CACNA1A: variants seen among roughly 807,000 people sequenced by gnomAD.
CACNA1A encodes calcium voltage-gated channel subunit alpha1 A.
A neutral mutation model predicts 262.4 loss-of-function variants in CACNA1A; 57 were observed. That is an observed-to-expected ratio of 0.22 (90% CI 0.18 to 0.27). CACNA1A has a LOEUF of 0.27. CACNA1A is among the 10% of genes least tolerant of loss of function. The pLI, the probability that CACNA1A is intolerant of heterozygous loss-of-function variation, is 1.00. For synonymous variants in CACNA1A, 1,431 were observed against 1,419.3 expected (o/e 1.01, Z -0.18); for missense variants, 2,526 against 3,562.8 (o/e 0.71, Z 7.41).
intron 24 of CACNA1A, among the ~76,000 whole-genome samples, chr19:13,269,935 C>T (rs753051691): frequency 1.1e-4 from 16 of 152,160 alleles, no homozygotes; most frequent in Non-Finnish European, 1.8e-4. Flanking sequence ...TTGCTTTGAC[C>T]CCAACAGGCC....
chr19:13,433,584 G>A (rs557205748), intron 3 of CACNA1A, among the ~76,000 whole-genome samples: 1 of 151,998 alleles, frequency 6.6e-6, no homozygotes, highest in South Asian at 2.1e-4. Context: ...TGGTCTGGCT[G>A]GTAGGCGGGG....
At chr19:13,260,916 G>A (rs901120304) in intron 26 of CACNA1A, 1 of 152,450 alleles carries the variant, frequency 6.6e-6, no homozygotes, top group Admixed American at 6.5e-5. Flanking sequence ...CTCCCAAAGT[G>A]TTGGAATTAC....
intron 3 of CACNA1A, among the ~76,000 whole-genome samples, chr19:13,394,148 C>G (rs569979161): frequency 6.6e-6 from 1 of 152,240 alleles, no homozygotes; most frequent in East Asian, 1.9e-4. Context: ...TATTCAATCC[C>G]CATGATGACC....
At chr19:13,247,234 C>T (rs1212815747) in intron 30 of CACNA1A, among the ~76,000 whole-genome samples, 3 of 152,196 alleles carry the variant, frequency 2.0e-5, no homozygotes, top group Non-Finnish European at 4.4e-5. Context: ...GGAGCCTGAC[C>T]TTAGAGCTGT....
At chr19:13,433,127 A>T (rs980290837) in intron 3 of CACNA1A, among the ~76,000 whole-genome samples, 2 of 151,930 alleles carry the variant, frequency 1.3e-5, no homozygotes, top group Non-Finnish European at 2.9e-5. Context: ...CCCCGTCTCT[A>T]CTAAAAATAC....
At chr19:13,455,812 G>T (rs1315533870) in intron 1 of CACNA1A, among the ~76,000 whole-genome samples, 1 of 149,150 alleles carries the variant, frequency 6.7e-6, no homozygotes, top group Non-Finnish European at 1.5e-5. Flanking sequence ...AGAGGCTGCA[G>T]TGTACAATGA....
intron 30 of CACNA1A, among the ~76,000 whole-genome samples, chr19:13,249,946 G>A (rs969248045): frequency 1.3e-5 from 2 of 152,166 alleles, no homozygotes; most frequent in African/African-American, 4.8e-5. Context: ...GACTAAGCTG[G>A]TGGTCAAGAG....
chr19:13,283,485 ACTGAGATCTC>A (rs1363408134), intron 21 of CACNA1A, 89 bp from the exon 22 acceptor site: 24 of 1,519,522 alleles, frequency 1.6e-5, no homozygotes, highest in Non-Finnish European at 2.1e-5. Flanking sequence ...ACCTACCACT[ACTGAGATCTC>A]CAACCCCCAA....
In CACNA1A at chr19:13,210,368, G is replaced by A. The variant is rs200369506; in HGVS notation, c.6339+249C>T. On this transcript the variant is annotated intron_variant, in intron 44 of 46. Transcript: ENST00000360228. The stretch of plus-strand genomic sequence containing the variant: ...TCTTGGAGAGCCAGTGTCCTCCGGC[G>A]TGGGGGGCCCTGAAGAAAAGGGGGT... Among the ~76,000 whole-genome samples the A allele has an allele frequency of 7.8e-4, 118 of 152,242 alleles. No individual in the cohort carries two copies. In the East Asian group the frequency reaches 0.016, roughly 21 times the overall value.
At chr19:13,423,435 G>T (rs571411190) in intron 3 of CACNA1A, among the ~76,000 whole-genome samples, 1 of 152,320 alleles carries the variant, frequency 6.6e-6, no homozygotes, top group South Asian at 2.1e-4. Flanking sequence ...GTGTATCTCA[G>T]GGGAGAAGGA....
rs532822040 is a variant in CACNA1A at position 13,376,843 on chromosome 19, A to C, written c.540-5064T>G. Among the ~76,000 whole-genome samples, 29 of 143,408 alleles carry C rather than the reference A, an allele frequency of 2.0e-4. No homozygotes were observed. In the South Asian group the frequency reaches 3.4e-3, roughly 17 times the overall value. The allele number at this position is 143,408 out of a possible 152,430, so 94.1% of individuals were successfully genotyped here. A position where few individuals can be genotyped will look rare whatever the true frequency, so the allele number is the denominator to read the frequency against. On this transcript the variant is annotated intron_variant, in intron 3 of 46. Transcript: ENST00000360228. ...TGATATATAACACATGTTATATGTG[A>C]TATATAACACATATGTTATATGTGA...
intron 1 of CACNA1A, among the ~76,000 whole-genome samples, chr19:13,491,692 C>CATTTTAA (rs1980903400): frequency 6.6e-6 from 1 of 152,130 alleles, no homozygotes; most frequent in African/African-American, 2.4e-5. Context: ...GTCTAAGGGC[C>CATTTTAA]AGGTGTGGTG....
At chr19:13,227,171 C>CG (rs2055484472) in intron 37 of CACNA1A, 1 of 248,882 alleles carries the variant, frequency 4.0e-6, no homozygotes, top group Admixed American at 5.6e-5. Context: ...CCCCTCCCCC[C>CG]GGCATGTCGG....
At chr19:13,396,596 G>C (rs534575614) in intron 3 of CACNA1A, among the ~76,000 whole-genome samples, 1 of 152,232 alleles carries the variant, frequency 6.6e-6, no homozygotes, top group African/African-American at 2.4e-5. Flanking sequence ...AAATTTTAAT[G>C]AATGTACATT....
chr19:13,364,730 C>G (rs2059176751), intron 5 of CACNA1A: 1 of 152,276 alleles, frequency 6.6e-6, no homozygotes, highest in Non-Finnish European at 1.5e-5. Context: ...ACTTCTGCCT[C>G]CCGGGTTCAA....
intron 4 of CACNA1A, among the ~76,000 whole-genome samples, chr19:13,370,611 C>T (rs935614503): frequency 2.0e-5 from 3 of 147,478 alleles, no homozygotes; most frequent in African/African-American, 2.5e-5. Context: ...TTTTTTGAGA[C>T]AGGGTTTCGC....
At chr19:13,359,288 T>C (rs1377868547) in intron 6 of CACNA1A, among the ~76,000 whole-genome samples, 1 of 152,246 alleles carries the variant, frequency 6.6e-6, no homozygotes, top group East Asian at 1.9e-4. Flanking sequence ...CTATCTTTTA[T>C]CTGTGTTGGT....
chr19:13,387,979 A>C (rs970782988), intron 3 of CACNA1A, among the ~76,000 whole-genome samples: 1 of 152,160 alleles, frequency 6.6e-6, no homozygotes, highest in African/African-American at 2.4e-5. Flanking sequence ...GAAGGAGAGG[A>C]GACAGGAGAG....
intron 19 of CACNA1A, among the ~76,000 whole-genome samples, chr19:13,295,808 T>G (rs537686170): frequency 1.6e-4 from 25 of 152,324 alleles, no homozygotes; most frequent in African/African-American, 6.0e-4. Flanking sequence ...TGCTTTTAGT[T>G]TAAACCTAAC....
Sources: gnomAD v4.1 joint callset for allele counts (sites outside exome capture counted in the v4.1 genomes callset) on GRCh38, gnomAD v4.1.1 for gene constraint, MANE v1.5 for transcripts, NCBI Gene and HGNC (gene_info 2026-07-23, HGNC 2026-07-21) for gene names.